CHKA: variants seen among roughly 807,000 people sequenced by gnomAD.
The protein encoded by CHKA is CHETK-alpha.
CHKA carries 34 observed loss-of-function variants against 60.1 expected under a neutral mutation model. The ratio of observed to expected loss-of-function variants is 0.57; its 90% confidence interval spans 0.43 to 0.75. The LOEUF (loss-of-function observed/expected upper bound fraction) is 0.75, where lower values mean the gene tolerates loss of function less well. Ranked by LOEUF, CHKA falls within the 30% of genes least tolerant of loss-of-function variation. CHKA has a pLI of 0.00. For synonymous variants in CHKA, 217 were observed against 223.1 expected (o/e 0.97, Z 0.24); for missense variants, 563 against 561.3 (o/e 1.00, Z -0.03).
intron 1 of CHKA, among the ~76,000 whole-genome samples, chr11:68,111,905 T>C (rs543525808): frequency 1.3e-5 from 2 of 149,796 alleles, no homozygotes; most frequent in African/African-American, 4.9e-5. Context: ...AATACAAAAT[T>C]AGCCAGGCGT....
chr11:68,110,197 T>A (rs1407765429), intron 1 of CHKA, among the ~76,000 whole-genome samples: 4 of 152,188 alleles, frequency 2.6e-5, no homozygotes, highest in African/African-American at 4.8e-5. Flanking sequence ...ACAGCTTTTC[T>A]ACGAAGAACA....
intron 11 of CHKA, among the ~76,000 whole-genome samples, chr11:68,061,094 A>T (rs1428764687): frequency 8.3e-6 from 1 of 120,510 alleles, no homozygotes; most frequent in Non-Finnish European, 1.7e-5. Flanking sequence ...TGTCAGTGAC[A>T]GTTTTTTTTT....
chr11:68,058,229 T>C (rs2134489079), intron 11 of CHKA, among the ~76,000 whole-genome samples: 1 of 152,354 alleles, frequency 6.6e-6, no homozygotes, highest in South Asian at 2.1e-4. Flanking sequence ...CTGCCTTGAC[T>C]TCTGTGCTTC....
At position 68,052,933 on chromosome 11, in the gene CHKA, A is replaced by G. The variant is rs118031971; in HGVS notation, c.*1055T>C. 0.044 allele frequency: 6,760 copies of G among 152,626 alleles called. 188 individuals carry two copies. The highest frequency in any genetic ancestry group is 0.065 in the Middle Eastern group (19 of 294). The allele number at this position is 152,626 out of a possible 1,614,324, so 9.5% of individuals were successfully genotyped here. A position where few individuals can be genotyped will look rare whatever the true frequency, so the allele number is the denominator to read the frequency against. On this transcript the variant is annotated 3_prime_UTR_variant, in exon 12 of 12. Transcript: ENST00000265689. ...AATATATGCACAAAAAACAATTCAAATAAGAGTTCAGAGTAAAAAAAAGTC... is the reference window on the plus strand; with the variant it reads ...AATATATGCACAAAAAACAATTCAAGTAAGAGTTCAGAGTAAAAAAAAGTC...
intron 2 of CHKA, among the ~76,000 whole-genome samples, chr11:68,094,598 T>C (rs1590867066): frequency 1.3e-5 from 2 of 152,194 alleles, no homozygotes; most frequent in Non-Finnish European, 2.9e-5. Context: ...TTTCAAAAAC[T>C]ATACTTTGAA....
intron 5 of CHKA, among the ~76,000 whole-genome samples, 166 bp from the exon 6 acceptor site, chr11:68,070,459 G>T (rs1414534607): frequency 6.6e-6 from 1 of 152,200 alleles, no homozygotes; most frequent in Non-Finnish European, 1.5e-5. Context: ...GGCCTTGGGG[G>T]TTCGTGGCAT....
At chr11:68,074,860 T>A (rs770849891) in intron 3 of CHKA, 30 bp from the exon 4 acceptor site, 2 of 1,606,096 alleles carry the variant, frequency 1.2e-6, no homozygotes, top group East Asian at 4.5e-5. Flanking sequence ...ATCAGGTGTT[T>A]ACTGAGTGTT....
intron 2 of CHKA, among the ~76,000 whole-genome samples, chr11:68,091,418 TTGTG>T (rs1266504023): frequency 1.3e-5 from 2 of 152,232 alleles, no homozygotes; most frequent in African/African-American, 4.8e-5. Context: ...TATTGTATAG[TTGTG>T]TGTGTCTTAT....
At chr11:68,079,567 G>A (rs1373867475) in intron 3 of CHKA, among the ~76,000 whole-genome samples, 1 of 152,034 alleles carries the variant, frequency 6.6e-6, no homozygotes, top group African/African-American at 2.4e-5. Flanking sequence ...TCCTGACCTC[G>A]TGATCCACCC....
At chr11:68,058,088 T>C (rs1179819677) in intron 11 of CHKA, among the ~76,000 whole-genome samples, 3 of 152,186 alleles carry the variant, frequency 2.0e-5, no homozygotes, top group Admixed American at 6.5e-5. Context: ...AGATGAGTCT[T>C]GCTATGCTGC....
intron 6 of CHKA, among the ~76,000 whole-genome samples, chr11:68,069,163 T>A: frequency 6.6e-6 from 1 of 152,086 alleles, no homozygotes; most frequent in East Asian, 1.9e-4. Flanking sequence ...TGCCGCTCCC[T>A]CCTGGAGCCC....
chr11:68,070,341 A>G (rs748386363), intron 5 of CHKA, 48 bp from the exon 6 acceptor site: 9 of 1,313,220 alleles, frequency 6.9e-6, no homozygotes, highest in Admixed American at 1.7e-5. Context: ...TCACCGATCA[A>G]TTCACCAAGG....
intron 10 of CHKA, 29 bp downstream of exon 10, chr11:68,064,496 T>C (rs759564917): frequency 4.6e-5 from 55 of 1,187,978 alleles, no homozygotes; most frequent in Non-Finnish European, 6.4e-5. Flanking sequence ...GAAAGCTATC[T>C]TTACAAATCA....
intron 2 of CHKA, 26 bp downstream of exon 2, chr11:68,096,993 C>A: frequency 1.3e-6 from 2 of 1,520,324 alleles, no homozygotes; most frequent in Non-Finnish European, 1.8e-6. Flanking sequence ...AGGATCCCCC[C>A]CTCCCAAAGT....
intron 3 of CHKA, among the ~76,000 whole-genome samples, chr11:68,080,011 C>G (rs73505268): frequency 6.6e-6 from 1 of 152,146 alleles, no homozygotes; most frequent in African/African-American, 2.4e-5. Flanking sequence ...GGGTGGGGGT[C>G]ATGTCAAATG....
At position 68,059,068 on chromosome 11, in the gene CHKA, G is replaced by A. The variant is rs894897577; in HGVS notation, c.1314+2885C>T. ...TGTGCCACCACCCCTGGCTAATTCT[G>A]TATTTTAGTAGAGACGGGGTTTCTC... On this transcript the variant is annotated intron_variant, in intron 11 of 11. Transcript: ENST00000265689. Among the ~76,000 whole-genome samples, 40 of 152,250 alleles carry A rather than the reference G, an allele frequency of 2.6e-4. 1 individual carries two copies. The highest frequency in any genetic ancestry group is 8.9e-4 in the African/African-American group (37 of 41,540).
intron 11 of CHKA, among the ~76,000 whole-genome samples, chr11:68,059,413 T>C (rs1009159295): frequency 6.6e-6 from 1 of 152,224 alleles, no homozygotes; most frequent in Non-Finnish European, 1.5e-5. Context: ...CAGGGATAAA[T>C]GCCACTTGAC....
chr11:68,067,956 G>A (rs1272199979), intron 7 of CHKA, among the ~76,000 whole-genome samples: 1 of 152,218 alleles, frequency 6.6e-6, no homozygotes, highest in African/African-American at 2.4e-5. Flanking sequence ...GGTGGGACCT[G>A]AACTACTGTG....
intron 9 of CHKA, among the ~76,000 whole-genome samples, chr11:68,065,454 G>A (rs1856409955): frequency 1.3e-5 from 2 of 152,176 alleles, no homozygotes; most frequent in Non-Finnish European, 2.9e-5. Context: ...AATCCCAGCA[G>A]TTTGGGAGGC....
Sources: gnomAD v4.1 joint callset for allele counts (sites outside exome capture counted in the v4.1 genomes callset) on GRCh38, gnomAD v4.1.1 for gene constraint, MANE v1.5 for transcripts, NCBI Gene and HGNC (gene_info 2026-07-23, HGNC 2026-07-21) for gene names.